Variants in FNIP2 observed in about 807,000 individuals in gnomAD.
FNIP2 encodes the protein folliculin-interacting protein 2.
Under a neutral mutation model 108.7 loss-of-function variants are expected in FNIP2, and 32 were observed. That is an observed-to-expected ratio of 0.29 (90% CI 0.22 to 0.40). The LOEUF (loss-of-function observed/expected upper bound fraction) is 0.40, where lower values mean the gene tolerates loss of function less well. Among genes scored for constraint, FNIP2 ranks in the 10% least tolerant of loss-of-function variants. The pLI, the probability that FNIP2 is intolerant of heterozygous loss-of-function variation, is 1.00. For missense variants in FNIP2, 1,202 were observed against 1,381.6 expected (o/e 0.87, Z 2.06); for synonymous variants, 480 against 496.7 (o/e 0.97, Z 0.45).
At chr4:158,833,712 G>T in intron 6 of FNIP2, 84 bp downstream of exon 6, 1 of 1,456,608 alleles carries the variant, frequency 6.9e-7, no homozygotes, top group Non-Finnish European at 9.5e-7. Context: ...GTTTGTCGTG[G>T]GTTTTTTTTT....
intron 1 of FNIP2, among the ~76,000 whole-genome samples, chr4:158,776,534 T>C (rs1283917626): frequency 6.6e-6 from 1 of 152,234 alleles, no homozygotes; most frequent in Non-Finnish European, 1.5e-5. Context: ...TATCATTCAT[T>C]TCTTCATTAG....
chr4:158,893,663 TCTC>T (rs1176523750), intron 15 of FNIP2: 2 of 1,568,616 alleles, frequency 1.3e-6, no homozygotes, highest in Admixed American at 3.6e-5. Context: ...GTAGGCAGTT[TCTC>T]CTTCTAAAAG....
rs930000025 is a variant in FNIP2 at position 158,769,152 on chromosome 4, C to G, written c.-61C>G. On this transcript the variant is annotated 5_prime_UTR_variant, in exon 1 of 17. Transcript: ENST00000264433. ...GCCCCGCCACCGCGGCCGCCGCCCC[C>G]GGCTGCGCGCTGAGCCGCCGGCCCC... The G allele has an allele frequency of 2.4e-6, 2 of 842,740 alleles. No individual in the cohort carries two copies. The highest frequency in any genetic ancestry group is 5.1e-5 in the South Asian group (1 of 19,602). The allele number at this position is 842,740 out of a possible 1,614,324, so 52.2% of individuals were successfully genotyped here.
At chr4:158,798,141 C>G (rs544312334) in intron 1 of FNIP2, among the ~76,000 whole-genome samples, 1 of 152,028 alleles carries the variant, frequency 6.6e-6, no homozygotes, top group African/African-American at 2.4e-5. Context: ...TATAGCTCAC[C>G]GCAGCCTCAA....
In FNIP2 at chr4:158,798,482, T is replaced by C. The variant is rs28412323; in HGVS notation, c.108-27434T>C. Among the ~76,000 whole-genome samples, 369 of 152,348 alleles carry C rather than the reference T, an allele frequency of 2.4e-3. 1 individual carries two copies. The highest frequency in any genetic ancestry group is 8.7e-3 in the African/African-American group (361 of 41,572). On this transcript the variant is annotated intron_variant, in intron 1 of 16. Transcript: ENST00000264433. The stretch of plus-strand genomic sequence containing the variant: ...CTTACCCTTCCCCTGCTTCATCTTC[T>C]GCTATAGCACTCACCATTTGTTTTG...
At chr4:158,770,701 T>C (rs1775668503) in intron 1 of FNIP2, among the ~76,000 whole-genome samples, 1 of 152,216 alleles carries the variant, frequency 6.6e-6, no homozygotes, top group Non-Finnish European at 1.5e-5. Context: ...GTATTAGTGA[T>C]GCCATGTACC....
At chr4:158,784,014 A>G (rs1776135932) in intron 1 of FNIP2, among the ~76,000 whole-genome samples, 1 of 152,248 alleles carries the variant, frequency 6.6e-6, no homozygotes. Context: ...ATCATGATAT[A>G]TAAAGTAACT....
Position 158,872,415 on chromosome 4 carries a change from T to C in FNIP2, c.2949+1946T>C, listed in dbSNP as rs932160745. 5.1e-6 allele frequency: 5 copies of C among 985,320 alleles called. No individual in the cohort carries two copies. In the East Asian group the frequency reaches 5.7e-4, roughly 112 times the overall value. The allele number at this position is 985,320 out of a possible 1,614,324, so 61.0% of individuals were successfully genotyped here. ...ACTCTTCAAGCTTTTTCGTATTTCA[T>C]TTTCCCTTCCTTTTAGAAGGAGTGT... On this transcript the variant is annotated intron_variant, in intron 14 of 16. Coordinates refer to ENST00000264433, the MANE Select transcript of FNIP2 (RefSeq NM_020840.3).
intron 16 of FNIP2, among the ~76,000 whole-genome samples, chr4:158,900,074 T>G (rs1352503804): frequency 6.6e-6 from 1 of 151,890 alleles, no homozygotes. Context: ...TTCAAAGAAC[T>G]TTTATTTCTG....
At chr4:158,820,175 C>T (rs1334236972) in intron 1 of FNIP2, among the ~76,000 whole-genome samples, 1 of 152,118 alleles carries the variant, frequency 6.6e-6, no homozygotes, top group Non-Finnish European at 1.5e-5. Context: ...TATTTACCTT[C>T]TTGGATCACA....
At chr4:158,878,879 ACTTC>A (rs2126735688) in intron 14 of FNIP2, among the ~76,000 whole-genome samples, 6 of 151,256 alleles carry the variant, frequency 4.0e-5, no homozygotes, top group Admixed American at 6.6e-5. Context: ...ACTAAAAACA[ACTTC>A]TAAAATTGAA....
At chr4:158,781,034 C>CAAA (rs70962632) in intron 1 of FNIP2, among the ~76,000 whole-genome samples, 1 of 130,518 alleles carries the variant, frequency 7.7e-6, no homozygotes. Context: ...GAGTCCTTCT[C>CAAA]AAAAAAAAAA....
intron 12 of FNIP2, among the ~76,000 whole-genome samples, chr4:158,867,714 C>G (rs116514876): frequency 0.014 from 2,125 of 152,318 alleles, 42 homozygotes; most frequent in African/African-American, 0.048. Flanking sequence ...TGGGATTCTT[C>G]CAACAAATTC....
chr4:158,853,131 A>C (rs908170190), intron 8 of FNIP2, among the ~76,000 whole-genome samples: 2 of 152,202 alleles, frequency 1.3e-5, no homozygotes, highest in East Asian at 1.9e-4. Context: ...TGATGTCATA[A>C]TTTTATATTA....
intron 1 of FNIP2, among the ~76,000 whole-genome samples, chr4:158,814,937 A>T (rs1777479710): frequency 6.6e-6 from 1 of 152,176 alleles, no homozygotes; most frequent in African/African-American, 2.4e-5. Context: ...CTTTGGGTTT[A>T]AAAAAATAGG....
At chr4:158,780,236 TC>T (rs1775997141) in intron 1 of FNIP2, among the ~76,000 whole-genome samples, 1 of 151,866 alleles carries the variant, frequency 6.6e-6, no homozygotes, top group Non-Finnish European at 1.5e-5. Flanking sequence ...ACTATAAAAT[TC>T]TATTATAATA....
At chr4:158,829,366 C>A in intron 3 of FNIP2, 141 bp downstream of exon 3, 1 of 684,836 alleles carries the variant, frequency 1.5e-6, no homozygotes, top group Non-Finnish European at 2.2e-6. Flanking sequence ...TTAAATGTTT[C>A]ACATCGATGT....
At chr4:158,837,880 G>A (rs1418092572) in intron 7 of FNIP2, among the ~76,000 whole-genome samples, 2 of 152,210 alleles carry the variant, frequency 1.3e-5, no homozygotes, top group Non-Finnish European at 2.9e-5. Flanking sequence ...GGAGGGGGCT[G>A]CAAATGGCCC....
chr4:158,868,467 G>C lies in FNIP2; in HGVS notation c.1831G>C (p.Gly611Arg), dbSNP rs1489828852. 6.2e-7 allele frequency: 1 copy of C among 1,614,048 alleles called. No homozygotes were observed. Residue 611 changes from glycine to arginine, a missense_variant, in exon 13 of 17, where the codon GGT becomes CGT. Transcript: ENST00000264433. The surrounding 1 kb of genome is among the most constrained non-coding windows in gnomAD (Gnocchi z 4.6). Reference sequence around the variant, plus strand: ...AGAGGGCACTGACAGTAGAGACCTGGGTCTTAAACCTGACAAAGAAGCTAA... The same window carrying C: ...AGAGGGCACTGACAGTAGAGACCTGCGTCTTAAACCTGACAAAGAAGCTAA... The part of the protein sequence containing the change: ...CPEGTDSRDL[G>R]LKPDKEANRR...
Sources: gnomAD v4.1 joint callset for allele counts (sites outside exome capture counted in the v4.1 genomes callset) on GRCh38, gnomAD v4.1.1 for gene constraint, Gnocchi (gnomAD v3.1) non-coding constraint, MANE v1.5 for transcripts, NCBI Gene and HGNC (gene_info 2026-07-23, HGNC 2026-07-21) for gene names.